LRP5: variants seen among roughly 807,000 people sequenced by gnomAD.
LRP5 encodes low-density lipoprotein receptor-related protein 5.
A neutral mutation model predicts 154.1 loss-of-function variants in LRP5; 62 were observed. That is an observed-to-expected ratio of 0.40 (90% CI 0.33 to 0.50). The LOEUF is 0.50. Among genes scored for constraint, LRP5 ranks in the 20% least tolerant of loss-of-function variants. LRP5 has a pLI of 0.55. For synonymous variants in LRP5, 966 were observed against 1,011.5 expected (o/e 0.96, Z 0.85); for missense variants, 1,915 against 2,336.7 (o/e 0.82, Z 3.72).
chr11:68,410,786 G>A (rs533341453), intron 10 of LRP5, among the ~76,000 whole-genome samples: 4 of 152,306 alleles, frequency 2.6e-5, no homozygotes, highest in African/African-American at 9.6e-5. Flanking sequence ...GGTGGACACA[G>A]TGCTCACCCC....
chr11:68,425,417 CGT>C, intron 15 of LRP5, 125 bp downstream of exon 15: 2 of 1,004,348 alleles, frequency 2.0e-6, no homozygotes, highest in Non-Finnish European at 3.0e-6. Flanking sequence ...TTGTGTGTAG[CGT>C]GTTTTGTCCT....
Position 68,439,919 on chromosome 11 carries a change from G to GAGGGGC in LRP5, c.4488+4_4488+9dup. On this transcript the variant is annotated splice_donor_region_variant and intron_variant, in intron 21 of 22. Transcript: ENST00000294304. ...CGAAGGCCACGCTGTACCCGCCGGT[G>GAGGGGC]AGGGGCGGGGCCGGGGAGGGGCGGG... 6.5e-7 allele frequency: 1 copy of GAGGGGC among 1,543,004 alleles called. No homozygotes were observed. Among genetic ancestry groups the GAGGGGC allele is most frequent in the Non-Finnish European group, 8.7e-7 (1 of 1,144,092 alleles).
rs575297536 is a variant in LRP5 at position 68,329,339 on chromosome 11, C to T, written c.91+16534C>T. Among the ~76,000 whole-genome samples the T allele has an allele frequency of 2.5e-4, 38 of 152,292 alleles. No homozygotes were observed. The South Asian group carries it at 5.6e-3, about 22-fold the overall frequency. On this transcript the variant is annotated intron_variant, in intron 1 of 22. Transcript: ENST00000294304. ...TTAATCCTTCCAGCTGCCCTGTGGG[C>T]TGGGGGCCATCCCTACCCTCATTTT...
Position 68,437,677 on chromosome 11 carries a change from G to T in LRP5, c.4111+678G>T, listed in dbSNP as rs540131971. Among the ~76,000 whole-genome samples, 7 of 152,338 alleles carry T rather than the reference G, an allele frequency of 4.6e-5. No individual in the cohort carries two copies. In the South Asian group the frequency reaches 1.2e-3, roughly 27 times the overall value. On this transcript the variant is annotated intron_variant, in intron 19 of 22. Coordinates refer to ENST00000294304, the MANE Select transcript of LRP5 (RefSeq NM_002335.4). ...CTGCAGTCGGGAGAGAAGTCTGTTG[G>T]GGGGAGAAGGGGGCTTCCTCAAGGG...
intron 8 of LRP5, among the ~76,000 whole-genome samples, chr11:68,405,469 C>CAA (rs772035158): frequency 4.9e-3 from 273 of 55,710 alleles, no homozygotes; most frequent in Middle Eastern, 9.1e-3. Flanking sequence ...GACCCTGTCT[C>CAA]AAAAAAAAAA....
intron 5 of LRP5, among the ~76,000 whole-genome samples, chr11:68,370,748 A>G (rs2098633600): frequency 6.6e-6 from 1 of 152,238 alleles, no homozygotes; most frequent in South Asian, 2.1e-4. Context: ...CGCAGGAGAA[A>G]AACATTTTGT....
chr11:68,311,450 T>A (rs1177779280), upstream of LRP5, among the ~76,000 whole-genome samples: 1 of 152,206 alleles, frequency 6.6e-6, no homozygotes, highest in Non-Finnish European at 1.5e-5. Context: ...GCAGCTCAAG[T>A]GTCCTTCCTT....
At chr11:68,304,535 G>A in the LRP5 span, among the ~76,000 whole-genome samples, 1 of 152,226 alleles carries the variant, frequency 6.6e-6, no homozygotes, top group African/African-American at 2.4e-5. Context: ...GCGGGACGGG[G>A]CCGCCACCAT....
chr11:68,339,493 G>A (rs1260434628), intron 1 of LRP5, among the ~76,000 whole-genome samples: 7 of 151,662 alleles, frequency 4.6e-5, no homozygotes, highest in African/African-American at 1.5e-4. Flanking sequence ...TATTACAGGC[G>A]CCCTCCACCA....
chr11:68,441,940 G>A (rs1304685825), intron 21 of LRP5, among the ~76,000 whole-genome samples: 1 of 152,168 alleles, frequency 6.6e-6, no homozygotes, highest in African/African-American at 2.4e-5. Context: ...TATGTTCATG[G>A]TACAAAATTC....
In LRP5 at chr11:68,348,035, C is replaced by T; in HGVS notation, c.280C>T (p.Gln94Ter). Residue 94 changes from glutamine (Q) to a stop codon, truncating the protein, a stop_gained, in exon 2 of 23, where the codon CAG becomes TAG. Coordinates refer to ENST00000294304, the MANE Select transcript of LRP5 (RefSeq NM_002335.4). LOFTEE classifies it high-confidence loss of function. The part of the protein sequence containing the change: ...EEAIKQTYLN[Q>*]TGAAVQNVVI... The stretch of plus-strand genomic sequence containing the variant: ...GGCCATCAAGCAGACCTACCTGAAC[C>T]AGACGGGGGCCGCCGTGCAGAACGT... 4 of 1,614,110 alleles carry T rather than the reference C, an allele frequency of 2.5e-6. No homozygotes were observed. Among genetic ancestry groups the T allele is most frequent in the Non-Finnish European group, 3.4e-6 (4 of 1,180,030 alleles).
chr11:68,319,983 C>A (rs1475427461), intron 1 of LRP5, among the ~76,000 whole-genome samples: 1 of 149,388 alleles, frequency 6.7e-6, no homozygotes, highest in Non-Finnish European at 1.5e-5. Context: ...AATTGGGAGA[C>A]CCCCCATGTC....
intron 16 of LRP5, among the ~76,000 whole-genome samples, chr11:68,427,541 G>A (rs946775736): frequency 4.6e-5 from 7 of 152,284 alleles, no homozygotes; most frequent in South Asian, 2.1e-4. Flanking sequence ...TTAGCTGGGT[G>A]TGGTGGCAGG....
intron 21 of LRP5, among the ~76,000 whole-genome samples, chr11:68,444,616 G>C (rs996397641): frequency 7.7e-6 from 1 of 130,518 alleles, no homozygotes; most frequent in African/African-American, 3.0e-5. Context: ...TCTTTGAATA[G>C]GGCCTGGCCG....
At chr11:68,446,047 C>G (rs2098681256) in intron 21 of LRP5, among the ~76,000 whole-genome samples, 1 of 152,154 alleles carries the variant, frequency 6.6e-6, no homozygotes, top group African/African-American at 2.4e-5. Context: ...CCTGAGGAGC[C>G]TGGTGAGGTG....
intron 5 of LRP5, among the ~76,000 whole-genome samples, chr11:68,371,583 G>A (rs2098634026): frequency 6.6e-6 from 1 of 152,272 alleles, no homozygotes; most frequent in African/African-American, 2.4e-5. Context: ...CGGTTCCTCT[G>A]TGGCTTTCCA....
chr11:68,419,601 G>T (rs912154624), intron 13 of LRP5, among the ~76,000 whole-genome samples: 1 of 150,652 alleles, frequency 6.6e-6, no homozygotes, highest in Admixed American at 6.6e-5. Flanking sequence ...GTGCAGTGGC[G>T]TGGTATCAAC....
intron 1 of LRP5, among the ~76,000 whole-genome samples, chr11:68,344,666 C>A (rs1332228227): frequency 6.6e-6 from 1 of 151,806 alleles, no homozygotes; most frequent in East Asian, 1.9e-4. Flanking sequence ...TAAGCAGGTC[C>A]CCAGTCTCCC....
At chr11:68,364,886 G>A (rs1302546390) in intron 4 of LRP5, among the ~76,000 whole-genome samples, 5 of 151,602 alleles carry the variant, frequency 3.3e-5, no homozygotes, top group Non-Finnish European at 7.4e-5. Context: ...ATTTTGATGA[G>A]TTTGTTGTTC....
Sources: gnomAD v4.1 joint callset for allele counts (sites outside exome capture counted in the v4.1 genomes callset) on GRCh38, gnomAD v4.1.1 for gene constraint, MANE v1.5 for transcripts, NCBI Gene and HGNC (gene_info 2026-07-23, HGNC 2026-07-21) for gene names.